The following SOCS5 variants were observed in gnomAD, a reference collection of about 807,000 sequenced individuals.
The protein encoded by SOCS5 is suppressor of cytokine signaling 5.
Under a neutral mutation model 42.8 loss-of-function variants are expected in SOCS5, and 32 were observed. That is an observed-to-expected ratio of 0.75 (90% confidence interval 0.56 to 1.01). The LOEUF (loss-of-function observed/expected upper bound fraction) is 1.01. SOCS5 is among the 50% of genes least tolerant of loss of function. SOCS5 has a pLI of 0.00. For synonymous variants in SOCS5, 283 were observed against 229.6 expected (o/e 1.23, Z -2.10); for missense variants, 627 against 653.0 (o/e 0.96, Z 0.43).
intron 1 of SOCS5, among the ~76,000 whole-genome samples, chr2:46,735,677 T>G (rs901184680): frequency 1.3e-5 from 2 of 152,086 alleles, no homozygotes; most frequent in African/African-American, 4.8e-5. Context: ...TCATACTTGT[T>G]GAATGAATGG....
chr2:46,738,069 G>T (rs555686759), intron 1 of SOCS5, among the ~76,000 whole-genome samples: 1 of 152,302 alleles, frequency 6.6e-6, no homozygotes, highest in South Asian at 2.1e-4. Flanking sequence ...TGAACTTGAT[G>T]TAGATGTTAA....
intron 1 of SOCS5, among the ~76,000 whole-genome samples, chr2:46,723,100 A>G (rs1672917449): frequency 6.6e-6 from 1 of 152,030 alleles, no homozygotes; most frequent in South Asian, 2.1e-4. Context: ...CTCCCAGTCT[A>G]TACTTTGCTT....
At chr2:46,754,597 CTTTTTG>C (rs1673693934) in intron 1 of SOCS5, among the ~76,000 whole-genome samples, 2 of 151,978 alleles carry the variant, frequency 1.3e-5, no homozygotes, top group Non-Finnish European at 2.9e-5. Flanking sequence ...GACTGCACCT[CTTTTTG>C]AGTGTACATG....
In SOCS5 at chr2:46,739,428, C is replaced by G. The variant is rs894862455; in HGVS notation, c.-12-19091C>G. ...AGTACAAGTACAGTACTGCTTTCTGCTTTCTTTGTTGTCTGTCTTGCGTAT... is the reference window on the plus strand; with the variant it reads ...AGTACAAGTACAGTACTGCTTTCTGGTTTCTTTGTTGTCTGTCTTGCGTAT... On this transcript the variant is annotated intron_variant, in intron 1 of 1. Transcript: ENST00000394861. Among the ~76,000 whole-genome samples the G allele has an allele frequency of 3.9e-4, 60 of 152,162 alleles. 1 individual carries two copies. The highest frequency in any genetic ancestry group is 1.4e-3 in the African/African-American group (59 of 41,446).
chr2:46,731,264 A>G (rs1017839693), intron 1 of SOCS5, among the ~76,000 whole-genome samples: 1 of 152,180 alleles, frequency 6.6e-6, no homozygotes, highest in Admixed American at 6.5e-5. Flanking sequence ...GTGCCTTTGT[A>G]CGGAGCTGAA....
intron 1 of SOCS5, among the ~76,000 whole-genome samples, chr2:46,728,577 G>T (rs1472465053): frequency 6.6e-6 from 1 of 152,144 alleles, no homozygotes; most frequent in African/African-American, 2.4e-5. Flanking sequence ...TCCTTTTCAA[G>T]ATAGAATCTT....
rs537785949 is a variant in SOCS5 at position 46,758,584 on chromosome 2, C to T, written c.54C>T (p.Leu18=). The T allele has an allele frequency of 1.2e-6, 2 of 1,612,438 alleles. No homozygotes were observed. The highest frequency in any genetic ancestry group is 1.7e-5 in the Admixed American group (1 of 59,704). ...ACTTCAAATACAGGTGTCAGAATCT[C>T]TTCGGTCATGAGGGAGGAAGCCGTA... ...WNNFKYRCQN[L]FGHEGGSRSE... is the part of the protein sequence containing the mutation. Residue 18 remains leucine, a synonymous_variant, in exon 2 of 2, where the codon CTC becomes CTT. Transcript: ENST00000394861.
At position 46,761,528 on chromosome 2, in the gene SOCS5, T is replaced by C. The variant is rs1442234577; in HGVS notation, c.*1387T>C. On this transcript the variant is annotated 3_prime_UTR_variant, in exon 2 of 2. Transcript: ENST00000394861. ...ATATTTGTATGCAACACTAACCTTT[T>C]GACTGCTAATGTATGTTTCTGCTTG... The C allele has an allele frequency of 1.2e-5, 2 of 167,092 alleles. No individual in the cohort carries two copies. The highest frequency in any genetic ancestry group is 4.8e-5 in the African/African-American group (2 of 41,476). 10.4% of individuals were successfully genotyped at this position (167,092 alleles called of 1,614,324 possible). A position where few individuals can be genotyped will look rare whatever the true frequency, so the allele number is the denominator to read the frequency against.
intron 1 of SOCS5, among the ~76,000 whole-genome samples, chr2:46,727,908 A>T (rs919192261): frequency 7.2e-5 from 11 of 152,040 alleles, no homozygotes; most frequent in African/African-American, 2.4e-4. Context: ...TTGCACCCAC[A>T]TCCAGGGCTA....
At chr2:46,754,336 C>A (rs1037609371) in intron 1 of SOCS5, among the ~76,000 whole-genome samples, 1 of 151,934 alleles carries the variant, frequency 6.6e-6, no homozygotes, top group Non-Finnish European at 1.5e-5. Context: ...ATATTTTTTC[C>A]ATTTCTTTGA....
chr2:46,699,871 C>T lies in SOCS5; in HGVS notation c.-13+422C>T, dbSNP rs987760588. Among the ~76,000 whole-genome samples, 6 of 151,920 alleles carry T rather than the reference C, an allele frequency of 3.9e-5. No individual in the cohort carries two copies. Among genetic ancestry groups the T allele is most frequent in the African/African-American group, 1.5e-4 (6 of 41,336 alleles). ...ACACAGGCTGCAGGGAAGGGAGCAC[C>T]GACCAAGTCACTTGGGGCTCCAAGA... On this transcript the variant is annotated intron_variant, in intron 1 of 1. Transcript: ENST00000394861. The surrounding 1 kb of genome is among the most constrained non-coding windows in gnomAD (Gnocchi z 4.8).
At chr2:46,734,213 A>T (rs1358007754) in intron 1 of SOCS5, among the ~76,000 whole-genome samples, 1 of 152,204 alleles carries the variant, frequency 6.6e-6, no homozygotes, top group Non-Finnish European at 1.5e-5. Context: ...TAGAAAACTA[A>T]AATTTACAAA....
chr2:46,741,073 T>A (rs1346439551), intron 1 of SOCS5, among the ~76,000 whole-genome samples: 1 of 152,186 alleles, frequency 6.6e-6, no homozygotes, highest in Admixed American at 6.5e-5. Flanking sequence ...TTGATTGTGT[T>A]CTCTGCCCCT....
chr2:46,706,596 A>T (rs1003695372), intron 1 of SOCS5, among the ~76,000 whole-genome samples: 1 of 152,226 alleles, frequency 6.6e-6, no homozygotes, highest in Admixed American at 6.5e-5. Context: ...TAAAATGCTG[A>T]ATGGTTACAT....
rs1307658484 is a variant in SOCS5 at position 46,761,152 on chromosome 2, C to T, written c.*1011C>T. The T allele has an allele frequency of 3.0e-5, 5 of 167,072 alleles. No individual in the cohort carries two copies. Among genetic ancestry groups the T allele is most frequent in the Non-Finnish European group, 2.9e-5 (2 of 68,118 alleles). 10.3% of individuals were successfully genotyped at this position (167,072 alleles called of 1,614,324 possible). A position where few individuals can be genotyped will look rare whatever the true frequency, so the allele number is the denominator to read the frequency against. On this transcript the variant is annotated 3_prime_UTR_variant, in exon 2 of 2. Coordinates refer to ENST00000394861, the MANE Select transcript of SOCS5 (RefSeq NM_144949.3). ...TAATTTATAGAATTTCAGTGCAGTT[C>T]ATTCTTAATGGAAAATCTGAAACCT...
chr2:46,717,510 C>T (rs1461468709), intron 1 of SOCS5, among the ~76,000 whole-genome samples: 1 of 152,100 alleles, frequency 6.6e-6, no homozygotes, highest in Non-Finnish European at 1.5e-5. Flanking sequence ...GCCAGATAAA[C>T]AATTTCGGGT....
chr2:46,709,367 G>C (rs987104549), intron 1 of SOCS5, among the ~76,000 whole-genome samples: 6 of 152,202 alleles, frequency 3.9e-5, no homozygotes, highest in Non-Finnish European at 8.8e-5. Flanking sequence ...TCATAAAGAT[G>C]AGGTGTCCAA....
At chr2:46,708,494 A>G (rs868248029) in intron 1 of SOCS5, among the ~76,000 whole-genome samples, 18 of 152,336 alleles carry the variant, frequency 1.2e-4, no homozygotes, top group Middle Eastern at 3.4e-3. Flanking sequence ...TATATTTTGT[A>G]GCTGAAAATT....
At chr2:46,754,110 T>G (rs1006396287) in intron 1 of SOCS5, among the ~76,000 whole-genome samples, 4 of 152,100 alleles carry the variant, frequency 2.6e-5, no homozygotes, top group Non-Finnish European at 4.4e-5. Flanking sequence ...TCCCAGCCCC[T>G]ATTCAAGATG....
Sources: allele counts gnomAD v4.1 joint callset (sites outside exome capture counted in the v4.1 genomes callset), GRCh38; gene constraint gnomAD v4.1.1; non-coding constraint Gnocchi (gnomAD v3.1); transcripts MANE v1.5; gene names NCBI Gene and HGNC (gene_info 2026-07-23, HGNC 2026-07-21).